NCAM2: variants seen among roughly 807,000 people sequenced by gnomAD.
The protein encoded by NCAM2 is N-CAM-2.
Under a neutral mutation model 98.1 loss-of-function variants are expected in NCAM2, and 30 were observed. That is an observed-to-expected ratio of 0.31 (90% CI 0.23 to 0.41). The LOEUF (loss-of-function observed/expected upper bound fraction) is 0.41, where lower values mean the gene tolerates loss of function less well. Ranked by LOEUF, NCAM2 falls within the 10% of genes least tolerant of loss-of-function variation. The pLI is 1.00. For synonymous variants in NCAM2, 368 were observed against 342.4 expected, an observed-to-expected ratio of 1.07 and a Z score of -0.83; for missense variants, 867 against 1,005.8, an observed-to-expected ratio of 0.86 and a Z score of 1.87.
chr21:21,503,436 G>A (rs1987764347), intron 15 of NCAM2, among the ~76,000 whole-genome samples: 1 of 151,826 alleles, frequency 6.6e-6, no homozygotes, highest in Non-Finnish European at 1.5e-5. Flanking sequence ...AGATAACATA[G>A]ACATGCTGGA....
chr21:21,243,942 G>T (rs1343844760), intron 1 of NCAM2, among the ~76,000 whole-genome samples: 1 of 152,204 alleles, frequency 6.6e-6, no homozygotes, highest in Non-Finnish European at 1.5e-5. Context: ...ATCACCTGGA[G>T]AATGCTTTGT....
chr21:21,353,298 G>A (rs2075390558), intron 8 of NCAM2, among the ~76,000 whole-genome samples: 1 of 152,128 alleles, frequency 6.6e-6, no homozygotes, highest in African/African-American at 2.4e-5. Flanking sequence ...TCTACCCTTA[G>A]TTGTCAGAGA....
chr21:21,373,022 T>G (rs766623237), intron 8 of NCAM2, among the ~76,000 whole-genome samples: 44 of 151,876 alleles, frequency 2.9e-4, no homozygotes, highest in Middle Eastern at 3.2e-3. Flanking sequence ...TTTGTTGTTA[T>G]ATTCCAATAA....
At chr21:21,412,458 GAC>G (rs1215797711) in intron 10 of NCAM2, among the ~76,000 whole-genome samples, 1 of 128,196 alleles carries the variant, frequency 7.8e-6, no homozygotes, top group African/African-American at 2.7e-5. Context: ...GTGAGTAAAT[GAC>G]AGACTAATGT....
chr21:21,311,375 C>T (rs1233755349), intron 5 of NCAM2, among the ~76,000 whole-genome samples: 1 of 128,514 alleles, frequency 7.8e-6, no homozygotes, highest in African/African-American at 3.1e-5. Flanking sequence ...GAGTCTCACT[C>T]TGTGGCCCAG....
chr21:21,491,755 T>C (rs987723348), intron 15 of NCAM2, among the ~76,000 whole-genome samples: 1 of 151,548 alleles, frequency 6.6e-6, no homozygotes, highest in African/African-American at 2.4e-5. Context: ...CCAAAATGTA[T>C]ATTTTAATAT....
At chr21:21,522,778 T>C (rs936280112) in intron 16 of NCAM2, among the ~76,000 whole-genome samples, 4 of 151,752 alleles carry the variant, frequency 2.6e-5, no homozygotes, top group Non-Finnish European at 5.9e-5. Flanking sequence ...ATTACAGGCG[T>C]GTGCCACCAC....
intron 14 of NCAM2, among the ~76,000 whole-genome samples, chr21:21,471,435 A>T (rs1984430398): frequency 6.6e-6 from 1 of 152,008 alleles, no homozygotes; most frequent in Admixed American, 6.6e-5. Flanking sequence ...TAGTTTCTCA[A>T]ACCACATGAA....
intron 14 of NCAM2, among the ~76,000 whole-genome samples, chr21:21,473,997 A>G (rs1984823994): frequency 2.6e-5 from 4 of 151,454 alleles, no homozygotes; most frequent in Non-Finnish European, 1.5e-5. Flanking sequence ...TAATTGGCTT[A>G]TTAATAATAG....
At chr21:21,289,369 C>G (rs2147553915) in intron 4 of NCAM2, among the ~76,000 whole-genome samples, 1 of 151,920 alleles carries the variant, frequency 6.6e-6, no homozygotes, top group Middle Eastern at 3.4e-3. Context: ...GAACAAGACA[C>G]ATTGAGTCTA....
At chr21:21,529,356 A>G (rs1989499768) in intron 16 of NCAM2, among the ~76,000 whole-genome samples, 1 of 152,028 alleles carries the variant, frequency 6.6e-6, no homozygotes, top group East Asian at 1.9e-4. Context: ...TTCAATATTA[A>G]ATTTGTTTTG....
At chr21:21,050,809 A>T (rs2065093560) in intron 1 of NCAM2, among the ~76,000 whole-genome samples, 1 of 152,200 alleles carries the variant, frequency 6.6e-6, no homozygotes, top group African/African-American at 2.4e-5. Flanking sequence ...TACTTGCCAT[A>T]CGTAGACACT....
intron 5 of NCAM2, among the ~76,000 whole-genome samples, chr21:21,305,612 A>G (rs535699193): frequency 2.6e-5 from 4 of 151,904 alleles, no homozygotes; most frequent in Non-Finnish European, 4.4e-5. Flanking sequence ...TTTTTTATCA[A>G]TAATGAATTT....
At chr21:21,127,854 TTA>T (rs901140639) in intron 1 of NCAM2, among the ~76,000 whole-genome samples, 15 of 152,160 alleles carry the variant, frequency 9.9e-5, no homozygotes, top group Admixed American at 8.5e-4. Context: ...TTTTCTATAT[TTA>T]TGTCTCTAAA....
At position 21,395,592 on chromosome 21, in the gene NCAM2, G is replaced by A. The variant is rs969528467; in HGVS notation, c.1196-14682G>A. Among the ~76,000 whole-genome samples, 6 of 151,998 alleles carry A rather than the reference G, an allele frequency of 3.9e-5. No homozygotes were observed. In the East Asian group the frequency reaches 1.2e-3, roughly 29 times the overall value. Reference sequence around the variant, plus strand: ...ATACTAAGCAGAGAGAACACATCTGGAGGCAACACATTACCCAACTTCAAA... The same window carrying A: ...ATACTAAGCAGAGAGAACACATCTGAAGGCAACACATTACCCAACTTCAAA... On this transcript the variant is annotated intron_variant, in intron 9 of 17. Coordinates refer to ENST00000400546, the MANE Select transcript of NCAM2 (RefSeq NM_004540.5).
chr21:21,500,478 C>T (rs1987554561), intron 15 of NCAM2, among the ~76,000 whole-genome samples: 1 of 152,066 alleles, frequency 6.6e-6, no homozygotes, highest in Non-Finnish European at 1.5e-5. Context: ...TTGCTAGTAT[C>T]AGTGGTTCCA....
chr21:21,381,529 C>T (rs937985705), intron 9 of NCAM2, among the ~76,000 whole-genome samples: 1 of 151,704 alleles, frequency 6.6e-6, no homozygotes, highest in South Asian at 2.1e-4. Context: ...TTGTTTTAAG[C>T]GATTCTATAG....
At chr21:21,308,473 A>G (rs1049939262) in intron 5 of NCAM2, among the ~76,000 whole-genome samples, 1 of 152,148 alleles carries the variant, frequency 6.6e-6, no homozygotes, top group Non-Finnish European at 1.5e-5. Context: ...TTTTTTAGAT[A>G]CAAACTCCTC....
intron 2 of NCAM2, among the ~76,000 whole-genome samples, chr21:21,282,150 A>G (rs2072951685): frequency 6.6e-6 from 1 of 151,904 alleles, no homozygotes; most frequent in East Asian, 1.9e-4. Flanking sequence ...TCTAAATCCC[A>G]TCCATATTTT....
Sources: gnomAD v4.1 joint callset for allele counts (sites outside exome capture counted in the v4.1 genomes callset) on GRCh38, gnomAD v4.1.1 for gene constraint, MANE v1.5 for transcripts, NCBI Gene and HGNC (gene_info 2026-07-23, HGNC 2026-07-21) for gene names.